Variants in HEXB observed in about 807,000 individuals in gnomAD.
The protein encoded by HEXB is beta-hexosaminidase subunit beta.
In HEXB, 51 loss-of-function variants were observed where a neutral mutation model predicts 71.2. The observed-to-expected ratio is 0.72, with a 90% CI of 0.57 to 0.90. The LOEUF (loss-of-function observed/expected upper bound fraction) is 0.90, where lower values mean the gene tolerates loss of function less well. Ranked by LOEUF, HEXB falls within the 40% of genes least tolerant of loss-of-function variation. The pLI is 0.00. For synonymous variants in HEXB, 266 were observed against 249.3 expected, an observed-to-expected ratio of 1.07 and a Z score of -0.63; for missense variants, 617 against 677.0, an observed-to-expected ratio of 0.91 and a Z score of 0.98.
chr5:74,686,101 G>T (rs1748865361), intron 1 of HEXB, among the ~76,000 whole-genome samples: 1 of 151,930 alleles, frequency 6.6e-6, no homozygotes, highest in Non-Finnish European at 1.5e-5. Flanking sequence ...CATATAAAAT[G>T]TGACATGTTT....
chr5:74,709,475 A>C (rs527845250), intron 6 of HEXB, among the ~76,000 whole-genome samples: 4 of 152,220 alleles, frequency 2.6e-5, no homozygotes, highest in Non-Finnish European at 5.9e-5. Context: ...ACACACAAAA[A>C]ACCCTTCAAA....
intron 1 of HEXB, among the ~76,000 whole-genome samples, chr5:74,653,818 A>G (rs985175271): frequency 6.6e-5 from 10 of 152,198 alleles, no homozygotes; most frequent in African/African-American, 2.4e-4. Flanking sequence ...AAAATTCAAC[A>G]GAAAAAATTT....
At chr5:74,680,327 G>GGAAT (rs1474685840), upstream of HEXB, among the ~76,000 whole-genome samples, 5 of 152,142 alleles carry the variant, frequency 3.3e-5, no homozygotes, top group African/African-American at 1.2e-4. Flanking sequence ...TTTTTGAACA[G>GGAAT]GAATGTTTAC....
chr5:74,694,451 A>G (rs551599718), intron 3 of HEXB, among the ~76,000 whole-genome samples: 2 of 152,218 alleles, frequency 1.3e-5, no homozygotes, highest in South Asian at 4.1e-4. Context: ...CAAATATGCT[A>G]TAGAGTTGGT....
intron 1 of HEXB, among the ~76,000 whole-genome samples, chr5:74,656,120 T>A (rs1343354525): frequency 6.6e-6 from 1 of 152,106 alleles, no homozygotes; most frequent in Non-Finnish European, 1.5e-5. Flanking sequence ...TCCAAAAGAA[T>A]CATGACTCCA....
chr5:74,697,257 T>G (rs1296865377), intron 5 of HEXB, 151 bp downstream of exon 5: 1 of 643,964 alleles, frequency 1.6e-6, no homozygotes, highest in Non-Finnish European at 2.8e-6. Context: ...GAAGTGTATT[T>G]CCTCAGCTGT....
At chr5:74,715,116 G>A (rs1409479542) in intron 7 of HEXB, among the ~76,000 whole-genome samples, 1 of 152,166 alleles carries the variant, frequency 6.6e-6, no homozygotes, top group Non-Finnish European at 1.5e-5. Context: ...ACGAAAATCA[G>A]GAGAAGCTAG....
At chr5:74,685,179 G>T (rs1171778452), upstream of HEXB, 16 of 1,381,648 alleles carry the variant, frequency 1.2e-5, no homozygotes, top group Non-Finnish European at 1.4e-5. Context: ...CCGCGGCCGC[G>T]CTTCCTCTGA....
chr5:74,651,197 G>C (rs1748101398), intron 1 of HEXB, among the ~76,000 whole-genome samples: 1 of 152,210 alleles, frequency 6.6e-6, no homozygotes, highest in Non-Finnish European at 1.5e-5. Flanking sequence ...CTGAGTCTGA[G>C]AGAATAAATA....
At chr5:74,683,451 G>A (rs1748776928), upstream of HEXB, among the ~76,000 whole-genome samples, 1 of 152,026 alleles carries the variant, frequency 6.6e-6, no homozygotes, top group Non-Finnish European at 1.5e-5. Flanking sequence ...TTACGGGCGT[G>A]TGCCAGCACA....
intron 1 of HEXB, among the ~76,000 whole-genome samples, chr5:74,663,604 C>A (rs1748372874): frequency 6.6e-6 from 1 of 152,034 alleles, no homozygotes; most frequent in Non-Finnish European, 1.5e-5. Context: ...AAGCTAGGAG[C>A]AAAATGGAAA....
At chr5:74,706,003 C>A (rs944592493) in intron 6 of HEXB, 1 of 152,884 alleles carries the variant, frequency 6.5e-6, no homozygotes, top group African/African-American at 2.4e-5. Context: ...GCTAACAGCA[C>A]TTGTGTTTTT....
Position 74,718,968 on chromosome 5 carries a change from G to A in HEXB, c.1414G>A (p.Gly472Ser). 6.2e-7 allele frequency: 1 copy of A among 1,614,042 alleles called. No homozygotes were observed. The highest frequency in any genetic ancestry group is 8.5e-7 in the Non-Finnish European group (1 of 1,179,980). The change falls in exon 11 of 14, where the codon GGC becomes AGC. Residue 472 changes from glycine (G) to serine (S), a missense_variant. Gly to Ser is a moderately conservative substitution (Grantham distance 56). Coordinates refer to ENST00000261416, the MANE Select transcript of HEXB (RefSeq NM_000521.4). ...CTATAAAGTGGAACCTCTTGATTTT[G>A]GCGGTAAGTGAAGCAGTTGGTCCAA... The part of the protein sequence containing the change: ...KYYKVEPLDF[G>S]GTQKQKQLFI...
intron 8 of HEXB, 46 bp from the exon 9 acceptor site, chr5:74,716,541 G>A (rs974266699): frequency 5.3e-6 from 6 of 1,134,434 alleles, no homozygotes; most frequent in African/African-American, 3.0e-5. Flanking sequence ...ATAATAAACT[G>A]AGCATATCAA....
At chr5:74,720,620 G>T in intron 12 of HEXB, 23 bp from the exon 13 acceptor site, 1 of 1,606,402 alleles carries the variant, frequency 6.2e-7, no homozygotes, top group African/African-American at 1.3e-5. Flanking sequence ...TGCTTGCGGG[G>T]GGATGTGTGA....
intron 1 of HEXB, among the ~76,000 whole-genome samples, chr5:74,666,791 C>T (rs1223457574): frequency 6.6e-6 from 1 of 152,136 alleles, no homozygotes; most frequent in East Asian, 1.9e-4. Flanking sequence ...TAGCTTCACT[C>T]TTCTGAAGCT....
In HEXB at chr5:74,718,742, T is replaced by C. The variant is rs942856312; in HGVS notation, c.1243-55T>C. The stretch of plus-strand genomic sequence containing the variant: ...TAGTAATAATGCCTTAAACTTTCAA[T>C]TTCATCTACTGTTCTAGGCCTAATA... On this transcript the variant is annotated intron_variant, in intron 10 of 13. Coordinates refer to ENST00000261416, the MANE Select transcript of HEXB (RefSeq NM_000521.4). 6.5e-6 allele frequency: 10 copies of C among 1,536,298 alleles called. No homozygotes were observed. In the African/African-American group the frequency reaches 1.4e-4, roughly 21 times the overall value.
At chr5:74,677,072 A>G (rs1434497849) in intron 1 of HEXB, among the ~76,000 whole-genome samples, 1 of 151,848 alleles carries the variant, frequency 6.6e-6, no homozygotes, top group Admixed American at 6.6e-5. Flanking sequence ...TTTTTAGTAG[A>G]GATGGGGTTT....
At chr5:74,700,412 C>T (rs955764856) in intron 5 of HEXB, among the ~76,000 whole-genome samples, 3 of 151,674 alleles carry the variant, frequency 2.0e-5, no homozygotes, top group African/African-American at 7.3e-5. Flanking sequence ...GCCACTGATA[C>T]TTTTATATTT....
Sources: gnomAD v4.1 joint callset for allele counts (sites outside exome capture counted in the v4.1 genomes callset) on GRCh38, gnomAD v4.1.1 for gene constraint, MANE v1.5 for transcripts, NCBI Gene and HGNC (gene_info 2026-07-23, HGNC 2026-07-21) for gene names.